Variants in UBE3B observed in about 807,000 individuals in gnomAD.
UBE3B encodes the protein ubiquitin-protein ligase E3B.
A neutral mutation model predicts 132.3 loss-of-function variants in UBE3B; 80 were observed. That is an observed-to-expected ratio of 0.60 (90% CI 0.50 to 0.73). The LOEUF (loss-of-function observed/expected upper bound fraction) is 0.73. Ranked by LOEUF, UBE3B falls within the 30% of genes least tolerant of loss-of-function variation. UBE3B has a pLI of 0.00. For missense variants in UBE3B, 1,196 were observed against 1,362.5 expected (o/e 0.88, Z 1.92); for synonymous variants, 487 against 520.4 (o/e 0.94, Z 0.87).
intron 6 of UBE3B, among the ~76,000 whole-genome samples, chr12:109,487,093 G>C (rs1205869271): frequency 6.6e-6 from 1 of 152,156 alleles, no homozygotes; most frequent in Middle Eastern, 3.2e-3. Flanking sequence ...GCAACGAGCA[G>C]TTTTGACTTT....
chr12:109,528,215 C>A, intron 24 of UBE3B: 1 of 527,156 alleles, frequency 1.9e-6, no homozygotes, highest in Non-Finnish European at 2.4e-6. Context: ...AGGGGTGATA[C>A]TTGATCTTGC....
downstream of UBE3B, among the ~76,000 whole-genome samples, chr12:109,541,611 T>C (rs533517526): frequency 9.2e-5 from 14 of 152,200 alleles, 2 homozygotes; most frequent in South Asian, 2.7e-3. Flanking sequence ...TTCCATTGGC[T>C]CCTATATTGG....
chr12:109,524,075 C>A lies in UBE3B; in HGVS notation c.2462C>A (p.Ser821Tyr), dbSNP rs1196433921. ...VFYSSVDELPSLDSEFYKNLT... is the reference protein window; with the variant it reads ...VFYSSVDELPYLDSEFYKNLT... ...TATAGCTCGGTGGATGAACTGCCTT[C>A]TCTGGACTCCGAGTTCTATAAAAAC... is the stretch of plus-strand genomic sequence containing the variant. The change falls in exon 22 of 28, where the codon TCT becomes TAT. Residue 821 changes from serine (S) to tyrosine (Y), a missense_variant. Transcript: ENST00000342494. 6.2e-7 allele frequency: 1 copy of A among 1,614,098 alleles called. No individual in the cohort carries two copies. Among genetic ancestry groups the A allele is most frequent in the African/African-American group, 1.3e-5 (1 of 74,934 alleles).
chr12:109,547,519 G>C, the UBE3B span, among the ~76,000 whole-genome samples: 1 of 152,240 alleles, frequency 6.6e-6, no homozygotes, highest in Non-Finnish European at 1.5e-5. This position sits in a 1 kb window ranked among gnomAD's most constrained non-coding sequence, Gnocchi z 4.1. Context: ...GCCGATGCCC[G>C]CTCCTCGAGG....
chr12:109,485,587 G>A (rs2135783624), intron 4 of UBE3B, among the ~76,000 whole-genome samples: 1 of 152,324 alleles, frequency 6.6e-6, no homozygotes, highest in East Asian at 1.9e-4. Flanking sequence ...CAGGATAAAA[G>A]TGATGATACA....
chr12:109,521,042 C>T lies in UBE3B; in HGVS notation c.2077-106C>T, dbSNP rs1444504619. 7 of 1,330,992 alleles carry T rather than the reference C, an allele frequency of 5.3e-6. No individual in the cohort carries two copies. Among genetic ancestry groups the T allele is most frequent in the African/African-American group, 2.9e-5 (2 of 68,216 alleles). The allele number at this position is 1,330,992 out of a possible 1,614,324, so 82.4% of individuals were successfully genotyped here. Reference sequence around the variant, plus strand: ...ATGCATCCACGTTTCATAATTTGCACATTTGGTAATGATGCTGGGAGAGCT... The same window carrying T: ...ATGCATCCACGTTTCATAATTTGCATATTTGGTAATGATGCTGGGAGAGCT... On this transcript the variant is annotated intron_variant, in intron 19 of 27. Transcript: ENST00000342494. The surrounding 1 kb of genome is among the most constrained non-coding windows in gnomAD (Gnocchi z 4.2).
intron 4 of UBE3B, among the ~76,000 whole-genome samples, chr12:109,484,236 A>C (rs1176087179): frequency 6.6e-6 from 1 of 152,170 alleles, no homozygotes; most frequent in Non-Finnish European, 1.5e-5. Flanking sequence ...TAAATGAGTA[A>C]AAAAAACATA....
the UBE3B span, among the ~76,000 whole-genome samples, chr12:109,547,587 C>G: frequency 6.6e-6 from 1 of 152,246 alleles, no homozygotes; most frequent in East Asian, 1.9e-4. This position sits in a 1 kb window ranked among gnomAD's most constrained non-coding sequence, Gnocchi z 4.1. Context: ...TAGCCACATT[C>G]ATTCCTCCCT....
intron 26 of UBE3B, 33 bp downstream of exon 26, chr12:109,530,691 G>GCATA (rs1264959608): frequency 6.3e-7 from 1 of 1,575,240 alleles, no homozygotes; most frequent in South Asian, 1.1e-5. Context: ...ATGCATGCAT[G>GCATA]TATTCTCATA....
Position 109,534,978 on chromosome 12 carries a change from G to A in UBE3B, c.*196G>A. The A allele has an allele frequency of 2.4e-6, 1 of 417,040 alleles. No homozygotes were observed. The highest frequency in any genetic ancestry group is 4.2e-6 in the Non-Finnish European group (1 of 239,262). 25.8% of individuals were successfully genotyped at this position (417,040 alleles called of 1,614,324 possible). A position where few individuals can be genotyped will look rare whatever the true frequency, so the allele number is the denominator to read the frequency against. On this transcript the variant is annotated 3_prime_UTR_variant, in exon 28 of 28. Coordinates refer to ENST00000342494, the MANE Select transcript of UBE3B (RefSeq NM_130466.4). The surrounding 1 kb of genome is among the most constrained non-coding windows in gnomAD (Gnocchi z 5.2). ...GCACTACACAGCATCTCCAGGTGATGCCCAAGGCACAGGGCTGCAGAAAAT... is the reference window on the plus strand; with the variant it reads ...GCACTACACAGCATCTCCAGGTGATACCCAAGGCACAGGGCTGCAGAAAAT...
At position 109,496,225 on chromosome 12, in the gene UBE3B, C is replaced by T. The variant is rs146032375; in HGVS notation, c.714-1593C>T. ...GCGTAATATAATCAGAGTTCATCCA[C>T]GTTGTAGCATGGATCAGTACTTCAT... On this transcript the variant is annotated intron_variant, in intron 9 of 27. Coordinates refer to ENST00000342494, the MANE Select transcript of UBE3B (RefSeq NM_130466.4). Among the ~76,000 whole-genome samples the T allele has an allele frequency of 4.0e-3, 610 of 152,296 alleles. 3 individuals carry two copies. Among genetic ancestry groups the T allele is most frequent in the African/African-American group, 7.6e-3 (317 of 41,534 alleles).
At chr12:109,494,117 C>T (rs1280352050) in intron 9 of UBE3B, among the ~76,000 whole-genome samples, 1 of 152,112 alleles carries the variant, frequency 6.6e-6, no homozygotes, top group Non-Finnish European at 1.5e-5. Flanking sequence ...AGTGAGCCAC[C>T]ACACCTGGCT....
Position 109,507,558 on chromosome 12 carries a change from T to C in UBE3B, c.1451-6T>C. 1 of 1,610,330 alleles carries C rather than the reference T, an allele frequency of 6.2e-7. No individual in the cohort carries two copies. Among genetic ancestry groups the C allele is most frequent in the Non-Finnish European group, 8.5e-7 (1 of 1,178,088 alleles). The stretch of plus-strand genomic sequence containing the variant: ...TGAAGCTTGGGTTTCTCTGTGTTTT[T>C]TCCAGGTCTCACTTACCTTGATGAC... On this transcript the variant is annotated splice_polypyrimidine_tract_variant and splice_region_variant and intron_variant, in intron 14 of 27. Coordinates refer to ENST00000342494, the MANE Select transcript of UBE3B (RefSeq NM_130466.4).
chr12:109,524,237 C>T (rs1882044459), intron 22 of UBE3B, 122 bp downstream of exon 22: 1 of 1,441,696 alleles, frequency 6.9e-7, no homozygotes, highest in Non-Finnish European at 9.4e-7. Flanking sequence ...ACAGGCCCCT[C>T]ACATCCCCCT....
chr12:109,485,995 AGT>A lies in UBE3B; in HGVS notation c.283-12_283-11del. The A allele has an allele frequency of 6.4e-7, 1 of 1,552,536 alleles. No homozygotes were observed. Among genetic ancestry groups the A allele is most frequent in the South Asian group, 1.2e-5 (1 of 84,058 alleles). ...TGGATTGTGGGAATGTATAACCCCC[AGT>A]GTGTCTCTTTGCAGAGATTTGAGAA... is the stretch of plus-strand genomic sequence containing the variant. On this transcript the variant is annotated splice_polypyrimidine_tract_variant and intron_variant, in intron 4 of 27. Coordinates refer to ENST00000342494, the MANE Select transcript of UBE3B (RefSeq NM_130466.4).
intron 7 of UBE3B, among the ~76,000 whole-genome samples, chr12:109,489,237 A>G (rs147167534): frequency 6.4e-4 from 98 of 152,354 alleles, no homozygotes; most frequent in African/African-American, 2.3e-3. Flanking sequence ...TGAGGAAAAC[A>G]GGCATTAAAT....
intron 18 of UBE3B, among the ~76,000 whole-genome samples, chr12:109,515,561 G>T (rs990459515): frequency 5.3e-5 from 8 of 152,006 alleles, no homozygotes; most frequent in African/African-American, 1.9e-4. Flanking sequence ...TAGAGTTGGG[G>T]TTTCTCCCTG....
chr12:109,483,861 G>A lies in UBE3B; in HGVS notation c.162G>A (p.Arg54=). ...TCTTTTTTTGCACTTTCTTTTCTAGGAGAGAGATTGATGACTTTTTTAAAG... is the reference window on the plus strand; with the variant it reads ...TCTTTTTTTGCACTTTCTTTTCTAGAAGAGAGATTGATGACTTTTTTAAAG... ...LCRSRLQRDI[R]REIDDFFKAD... The change falls in exon 4 of 28, where the codon AGG becomes AGA. Residue 54 remains arginine, a splice_region_variant and synonymous_variant. Transcript: ENST00000342494. The A allele has an allele frequency of 6.2e-7, 1 of 1,609,726 alleles. No individual in the cohort carries two copies. The highest frequency in any genetic ancestry group is 8.5e-7 in the Non-Finnish European group (1 of 1,178,078).
At chr12:109,540,587 C>T (rs981849280), downstream of UBE3B, among the ~76,000 whole-genome samples, 2 of 152,190 alleles carry the variant, frequency 1.3e-5, no homozygotes, top group Non-Finnish European at 2.9e-5. Flanking sequence ...GGGGCCATGG[C>T]AGTGGCCACT....
Sources: gnomAD v4.1 joint callset for allele counts (sites outside exome capture counted in the v4.1 genomes callset) on GRCh38, gnomAD v4.1.1 for gene constraint, Gnocchi (gnomAD v3.1) non-coding constraint, MANE v1.5 for transcripts, NCBI Gene and HGNC (gene_info 2026-07-23, HGNC 2026-07-21) for gene names.